The following C1GALT1 variants were observed in gnomAD, a reference collection of about 807,000 sequenced individuals.
C1GALT1 encodes glycoprotein-N-acetylgalactosamine 3-beta-galactosyltransferase 1.
In C1GALT1, 11 loss-of-function variants were observed where a neutral mutation model predicts 31.0. That is an observed-to-expected ratio of 0.36 (90% CI 0.22 to 0.59). C1GALT1 has a LOEUF of 0.59. Ranked by LOEUF, C1GALT1 falls within the 20% of genes least tolerant of loss-of-function variation. The pLI, the probability that C1GALT1 is intolerant of heterozygous loss-of-function variation, is 0.79. For synonymous variants in C1GALT1, 175 were observed against 143.6 expected (o/e 1.22, Z -1.56); for missense variants, 424 against 425.2 (o/e 1.00, Z 0.03).
rs544738309 is a variant in C1GALT1 at position 7,234,462 on chromosome 7, C to G, written c.143C>G (p.Ala48Gly). The change falls in exon 2 of 4, where the codon GCA (alanine) becomes GGA (glycine). Residue 48 changes from alanine (A) to glycine (G), a missense_variant. Transcript: ENST00000436587. ...AATGTTCTTCATAATGATCCTCATG[C>G]AAGGCATTCAGATGATAATGGACAG... ...QPNVLHNDPH[A>G]RHSDDNGQNH... 1 of 1,613,874 alleles carries G rather than the reference C, an allele frequency of 6.2e-7. No homozygotes were observed. Among genetic ancestry groups the G allele is most frequent in the Non-Finnish European group, 8.5e-7 (1 of 1,179,886 alleles).
At chr7:7,195,384 T>G (rs1399088400) in intron 1 of C1GALT1, among the ~76,000 whole-genome samples, 2 of 152,220 alleles carry the variant, frequency 1.3e-5, no homozygotes, top group African/African-American at 4.8e-5. Context: ...CTTTTATCAT[T>G]CAGTTCAAAG....
At chr7:7,221,148 C>G (rs1326000652) in intron 1 of C1GALT1, among the ~76,000 whole-genome samples, 1 of 152,082 alleles carries the variant, frequency 6.6e-6, no homozygotes, top group Non-Finnish European at 1.5e-5. Flanking sequence ...TTCCTCTTCT[C>G]TTTTATCTGG....
intron 3 of C1GALT1, among the ~76,000 whole-genome samples, chr7:7,241,562 G>A (rs1418898593): frequency 6.6e-6 from 1 of 151,920 alleles, no homozygotes; most frequent in Non-Finnish European, 1.5e-5. Flanking sequence ...TTTTTTGTAA[G>A]TCACCTTTTA....
chr7:7,238,723 A>T lies in C1GALT1; in HGVS notation c.689A>T (p.Asp230Val). ...AGATTTGTTGATGCATTTAAAACAG[A>T]CAAGTGTACACATAGTTCCTCCATT... ...LKRFVDAFKT[D>V]KCTHSSSIED... The change falls in exon 3 of 4, where the codon GAC becomes GTC. Residue 230 changes from aspartate to valine, a missense_variant. Transcript: ENST00000436587. This position sits in a 1 kb window ranked among gnomAD's most constrained non-coding sequence, Gnocchi z 5.2. 3 of 1,613,986 alleles carry T rather than the reference A, an allele frequency of 1.9e-6. No homozygotes were observed. Among genetic ancestry groups the T allele is most frequent in the Non-Finnish European group, 2.5e-6 (3 of 1,179,944 alleles).
chr7:7,179,517 T>C (rs1386814682), upstream of C1GALT1, among the ~76,000 whole-genome samples: 1 of 152,224 alleles, frequency 6.6e-6, no homozygotes, highest in Admixed American at 6.5e-5. Context: ...CTAGCTTGTT[T>C]GCATTTTCTG....
In C1GALT1 at chr7:7,243,615, G is replaced by A. The variant is rs748912790; in HGVS notation, c.980G>A (p.Arg327His). The A allele has an allele frequency of 1.9e-5, 31 of 1,611,598 alleles. No homozygotes were observed. The highest frequency in any genetic ancestry group is 2.7e-5 in the African/African-American group (2 of 74,692). Residue 327 changes from arginine to histidine, a missense_variant, in exon 4 of 4, where the codon CGT becomes CAT. By Grantham distance (29) the Arg-to-His change is conservative. Around this residue, in one of 3 missense-constraint regions of C1GALT1, gnomAD observed 191 missense variants for 188.8 expected, o/e 1.01. Coordinates refer to ENST00000436587, the MANE Select transcript of C1GALT1 (RefSeq NM_020156.5). Reference sequence around the variant, plus strand: ...TTAGAATACCTCGTTTATCATCTTCGTCCATATGGTTATTTATACAGATAT... The same window carrying A: ...TTAGAATACCTCGTTTATCATCTTCATCCATATGGTTATTTATACAGATAT... ...YELEYLVYHLRPYGYLYRYQP... is the reference protein window; with the variant it reads ...YELEYLVYHLHPYGYLYRYQP...
At chr7:7,179,859 CAAAAA>C (rs34406199), upstream of C1GALT1, among the ~76,000 whole-genome samples, 3 of 95,992 alleles carry the variant, frequency 3.1e-5, no homozygotes. Context: ...GTTTCAGGTT[CAAAAA>C]AAAAAAAAAA....
At chr7:7,222,734 T>G (rs957268232) in intron 1 of C1GALT1, among the ~76,000 whole-genome samples, 1 of 152,204 alleles carries the variant, frequency 6.6e-6, no homozygotes, top group South Asian at 2.1e-4. Flanking sequence ...GGCGTTATAG[T>G]TTTTAAGAAA....
intron 2 of C1GALT1, among the ~76,000 whole-genome samples, chr7:7,167,696 T>C (rs1780413297): frequency 6.6e-6 from 1 of 152,084 alleles, no homozygotes; most frequent in Non-Finnish European, 1.5e-5. Context: ...TCACCAAAAT[T>C]TGGACCCCCT....
intron 1 of C1GALT1, among the ~76,000 whole-genome samples, chr7:7,202,806 C>T (rs1260386858): frequency 6.6e-6 from 1 of 152,128 alleles, no homozygotes; most frequent in Non-Finnish European, 1.5e-5. Context: ...CTGTAGGTCA[C>T]TTTGGATAGT....
chr7:7,169,219 C>T (rs1295623083), intron 2 of C1GALT1, among the ~76,000 whole-genome samples: 1 of 152,168 alleles, frequency 6.6e-6, no homozygotes, highest in East Asian at 1.9e-4. Flanking sequence ...TAATATCCCA[C>T]TGTATGTGTA....
intron 2 of C1GALT1, among the ~76,000 whole-genome samples, chr7:7,169,601 T>C (rs1275124027): frequency 6.6e-6 from 1 of 152,180 alleles, no homozygotes; most frequent in Non-Finnish European, 1.5e-5. Context: ...ACATCATTGT[T>C]GTTTTGATTT....
At chr7:7,184,414 G>A (rs1015676526) in intron 1 of C1GALT1, among the ~76,000 whole-genome samples, 2 of 152,076 alleles carry the variant, frequency 1.3e-5, no homozygotes, top group African/African-American at 4.8e-5. Context: ...CCTATTTAAA[G>A]TTTTTCATAA....
chr7:7,179,198 T>G (rs192790626), upstream of C1GALT1, among the ~76,000 whole-genome samples: 413 of 152,300 alleles, frequency 2.7e-3, 5 homozygotes, highest in African/African-American at 9.5e-3. Flanking sequence ...AGAGAAAGAA[T>G]AAAAAGTCTG....
chr7:7,159,249 A>G (rs1313456868), intron 2 of C1GALT1, among the ~76,000 whole-genome samples: 1 of 152,186 alleles, frequency 6.6e-6, no homozygotes, highest in East Asian at 1.9e-4. Context: ...GAAAGAGTTA[A>G]GTACTTAATT....
intron 2 of C1GALT1, among the ~76,000 whole-genome samples, chr7:7,174,880 A>G (rs924604275): frequency 6.6e-6 from 1 of 151,764 alleles, no homozygotes; most frequent in African/African-American, 2.4e-5. Context: ...CAATGTTTTC[A>G]TTTCCATGTT....
chr7:7,206,992 C>T (rs1427114091), intron 1 of C1GALT1, among the ~76,000 whole-genome samples: 1 of 152,008 alleles, frequency 6.6e-6, no homozygotes, highest in African/African-American at 2.4e-5. Flanking sequence ...TGTTTATATT[C>T]ATGCCTTTTA....
intron 1 of C1GALT1, among the ~76,000 whole-genome samples, chr7:7,231,405 TCTC>T (rs1783065690): frequency 6.6e-6 from 1 of 152,278 alleles, no homozygotes; most frequent in South Asian, 2.1e-4. Context: ...AAATACCACT[TCTC>T]CTGAGTTATG....
At chr7:7,186,680 G>C (rs1272160651) in intron 1 of C1GALT1, among the ~76,000 whole-genome samples, 1 of 152,252 alleles carries the variant, frequency 6.6e-6, no homozygotes, top group Non-Finnish European at 1.5e-5. Flanking sequence ...ACCTGAAGGA[G>C]TTGGAGAGTG....
Sources: allele counts gnomAD v4.1 joint callset (sites outside exome capture counted in the v4.1 genomes callset), GRCh38; gene constraint gnomAD v4.1.1; regional missense constraint gnomAD v4.1.1; non-coding constraint Gnocchi (gnomAD v3.1); transcripts MANE v1.5; gene names NCBI Gene and HGNC (gene_info 2026-07-23, HGNC 2026-07-21).